The following PHF12 variants were observed in gnomAD, a reference collection of about 807,000 sequenced individuals.
PHF12 encodes PHD factor 1.
PHF12 carries 6 observed loss-of-function variants against 99.8 expected under a neutral mutation model. That is an observed-to-expected ratio of 0.06 (90% CI 0.03 to 0.12). PHF12 has a LOEUF of 0.12. Ranked by LOEUF, PHF12 falls within the 10% of genes least tolerant of loss-of-function variation. The pLI, the probability that PHF12 is intolerant of heterozygous loss-of-function variation, is 1.00. For synonymous variants in PHF12, 480 were observed against 514.9 expected, an observed-to-expected ratio of 0.93 and a Z score of 0.92; for missense variants, 954 against 1,300.1, an observed-to-expected ratio of 0.73 and a Z score of 4.09.
Position 28,950,793 on chromosome 17 carries a change from T to C in PHF12, c.66+102A>G. The C allele has an allele frequency of 6.6e-7, 1 of 1,506,314 alleles. No homozygotes were observed. The highest frequency in any genetic ancestry group is 9.0e-7 in the Non-Finnish European group (1 of 1,116,494). 93.3% of individuals were successfully genotyped at this position (1,506,314 alleles called of 1,614,324 possible). On this transcript the variant is annotated intron_variant, in intron 1 of 14. Transcript: ENST00000332830. The surrounding 1 kb of genome is among the most constrained non-coding windows in gnomAD (Gnocchi z 5.7). ...CTAGGTGAGGAAGAATCCCCCTCCC[T>C]CGGCCATCTAGGCGCTTCGAGTTTA... is the stretch of plus-strand genomic sequence containing the variant.
intron 4 of PHF12, among the ~76,000 whole-genome samples, chr17:28,922,133 T>G (rs759417730): frequency 4.6e-5 from 7 of 152,140 alleles, no homozygotes; most frequent in Non-Finnish European, 8.8e-5. Context: ...CCAAGCCACA[T>G]AGTCAACAAG....
At chr17:28,945,562 C>T (rs1470881722) in intron 2 of PHF12, among the ~76,000 whole-genome samples, 2 of 152,108 alleles carry the variant, frequency 1.3e-5, no homozygotes, top group Non-Finnish European at 2.9e-5. Context: ...CCATTTTGGT[C>T]CCTCAGTCTG....
At chr17:28,937,506 C>T (rs1483742612) in intron 2 of PHF12, among the ~76,000 whole-genome samples, 1 of 152,214 alleles carries the variant, frequency 6.6e-6, no homozygotes. Context: ...AGTGCCAGAA[C>T]ATTACAAATG....
rs768906971 is a variant in PHF12, at chr17:28,912,613, G to A, written c.1958C>T (p.Pro653Leu). 3.7e-5 allele frequency: 59 copies of A among 1,614,072 alleles called. No individual in the cohort carries two copies. Among genetic ancestry groups the A allele is most frequent in the Admixed American group, 1.5e-4 (9 of 60,004 alleles). Residue 653 changes from proline (P) to leucine (L), a missense_variant, in exon 9 of 15, where the codon CCG becomes CTG. Transcript: ENST00000332830. ...GCCCAGTGGCCTTGAATCTGTCAAC[G>A]GAGGTCCTATCTGTGATTGGACAGT... ...RKTVQSQIGPPLTDSRPLGSP... is the reference protein window; with the variant it reads ...RKTVQSQIGPLLTDSRPLGSP...
intron 11 of PHF12, 47 bp from the exon 12 acceptor site, chr17:28,908,928 G>A: frequency 2.6e-6 from 4 of 1,545,114 alleles, no homozygotes; most frequent in Non-Finnish European, 3.6e-6. Flanking sequence ...CTCAGATCCT[G>A]TGATCCAAAC....
chr17:28,930,545 TG>T (rs1181198995), intron 2 of PHF12, among the ~76,000 whole-genome samples: 1 of 152,230 alleles, frequency 6.6e-6, no homozygotes, highest in African/African-American at 2.4e-5. Flanking sequence ...AAATTACTTA[TG>T]TTTTCTAAGT....
At chr17:28,921,339 T>A (rs990663420) in intron 5 of PHF12, among the ~76,000 whole-genome samples, 4 of 151,680 alleles carry the variant, frequency 2.6e-5, no homozygotes, top group Admixed American at 6.6e-5. Flanking sequence ...ATTAAAAAAA[T>A]TTTTTTTTGT....
chr17:28,910,421 T>C (rs1047944820), intron 10 of PHF12, 52 bp from the exon 11 acceptor site: 5 of 1,561,144 alleles, frequency 3.2e-6, no homozygotes, highest in Non-Finnish European at 4.3e-6. Context: ...AAGTGGAATG[T>C]GGAAGCAAAT....
chr17:28,930,557 T>C (rs1250514147), intron 2 of PHF12, among the ~76,000 whole-genome samples: 1 of 152,212 alleles, frequency 6.6e-6, no homozygotes, highest in African/African-American at 2.4e-5. Context: ...TTTTCTAAGT[T>C]ACTACACAAT....
chr17:28,938,539 T>G (rs1342651944), intron 2 of PHF12, among the ~76,000 whole-genome samples: 1 of 152,124 alleles, frequency 6.6e-6, no homozygotes, highest in Non-Finnish European at 1.5e-5. Flanking sequence ...GAGAGCAGGT[T>G]TCTACTTAAG....
intron 13 of PHF12, 152 bp from the exon 14 acceptor site, chr17:28,907,146 C>A: frequency 1.2e-6 from 1 of 824,246 alleles, no homozygotes; most frequent in Non-Finnish European, 1.9e-6. Context: ...CAGAAGGGGG[C>A]TGGAGACACC....
At chr17:28,936,346 G>A (rs1338761648) in intron 2 of PHF12, among the ~76,000 whole-genome samples, 2 of 152,168 alleles carry the variant, frequency 1.3e-5, no homozygotes, top group Admixed American at 1.3e-4. Flanking sequence ...AGAGAACAAA[G>A]GGAAGAGGCG....
At chr17:28,945,203 G>T (rs1424277446) in intron 2 of PHF12, 1 of 152,174 alleles carries the variant, frequency 6.6e-6, no homozygotes, top group Non-Finnish European at 1.5e-5. Flanking sequence ...AGGCTGCAGG[G>T]AGCTAGGATC....
At chr17:28,923,651 C>CTAAAAAAAAAAAAAAA (rs2040207349) in intron 4 of PHF12, among the ~76,000 whole-genome samples, 1 of 21,958 alleles carries the variant, frequency 4.6e-5, no homozygotes, top group African/African-American at 2.3e-4. Flanking sequence ...AAGTGAGACT[C>CTAAAAAAAAAAAAAAA]ACAAAAAAAA....
rs185910533 is a variant in PHF12, at chr17:28,915,987, C to A, written c.1134+1298G>T. ...TCTGACAAATCTACACAGTGAATTA[C>A]ACAGTCTGGATTACTTTTAGATCTG... On this transcript the variant is annotated intron_variant, in intron 7 of 14. Transcript: ENST00000332830. 2.3e-3 allele frequency among the ~76,000 whole-genome samples: 347 copies of A among 152,364 alleles called. 6 individuals carry two copies. Among genetic ancestry groups the A allele is most frequent in the Admixed American group, 0.018 (280 of 15,302 alleles).
At chr17:28,921,366 T>A (rs1038220629) in intron 5 of PHF12, among the ~76,000 whole-genome samples, 2 of 151,952 alleles carry the variant, frequency 1.3e-5, no homozygotes, top group African/African-American at 2.4e-5. Context: ...AAGGTTTCAC[T>A]GTGTTGCCCA....
rs750376510 is a variant in PHF12, at chr17:28,913,898, G to A, written c.1274C>T (p.Thr425Ile). 1 of 1,609,428 alleles carries A rather than the reference G, an allele frequency of 6.2e-7. No homozygotes were observed. Among genetic ancestry groups the A allele is most frequent in the East Asian group, 2.2e-5 (1 of 44,730 alleles). Residue 425 changes from threonine to isoleucine, a missense_variant, in exon 8 of 15, where the codon ACC becomes ATC. Physicochemically the swap from Thr to Ile is moderately conservative, Grantham distance 89. Around this residue, in one of 8 missense-constraint regions of PHF12, gnomAD observed 392 missense variants for 423.1 expected, o/e 0.93. Coordinates refer to ENST00000332830, the MANE Select transcript of PHF12 (RefSeq NM_001033561.2). ...MHLLNSEHLA[T>I]QAEQQEWLCS... ...ACTCACCTCTTGCTGCTCTGCTTGG[G>A]TGGCTAAGTGCTCAGAGTTCAAAAG...
chr17:28,932,135 TTCTA>T (rs1356662845), intron 2 of PHF12, among the ~76,000 whole-genome samples: 2 of 152,172 alleles, frequency 1.3e-5, no homozygotes, highest in Admixed American at 6.5e-5. Flanking sequence ...CAATTCAAAC[TTCTA>T]TCTTTTTTTT....
intron 2 of PHF12, among the ~76,000 whole-genome samples, chr17:28,930,137 T>C (rs2040369207): frequency 6.6e-6 from 1 of 152,182 alleles, no homozygotes; most frequent in Non-Finnish European, 1.5e-5. Flanking sequence ...CAGACCATAC[T>C]GTTTCTCATC....
Sources: gnomAD v4.1 joint callset for allele counts (sites outside exome capture counted in the v4.1 genomes callset) on GRCh38, gnomAD v4.1.1 for gene constraint, gnomAD v4.1.1 regional missense constraint, Gnocchi (gnomAD v3.1) non-coding constraint, MANE v1.5 for transcripts, NCBI Gene and HGNC (gene_info 2026-07-23, HGNC 2026-07-21) for gene names.